Variants in CRYBG3 observed in about 807,000 individuals in gnomAD.
The protein encoded by CRYBG3 is crystallin beta-gamma domain containing 3, also known as very large A-kinase anchor protein.
CRYBG3 carries 127 observed loss-of-function variants against 244.2 expected under a neutral mutation model. The observed-to-expected ratio is 0.52, with a 90% CI of 0.45 to 0.60. The LOEUF is 0.60. Among genes scored for constraint, CRYBG3 ranks in the 20% least tolerant of loss-of-function variants. The pLI is 0.00. For missense variants in CRYBG3, 3,325 were observed against 3,442.5 expected, an observed-to-expected ratio of 0.97 and a Z score of 0.85; for synonymous variants, 1,132 against 1,195.8, an observed-to-expected ratio of 0.95 and a Z score of 1.10.
At chr3:97,828,307 A>G (rs2038604980) in intron 1 of CRYBG3, among the ~76,000 whole-genome samples, 1 of 152,282 alleles carries the variant, frequency 6.6e-6, no homozygotes, top group South Asian at 2.1e-4. Flanking sequence ...ATTCCACTGA[A>G]CATGTACAGT....
At chr3:97,883,207 G>A (rs990452021) in intron 7 of CRYBG3, among the ~76,000 whole-genome samples, 8 of 152,168 alleles carry the variant, frequency 5.3e-5, no homozygotes, top group South Asian at 2.1e-4. Context: ...CTAGTATACT[G>A]CAAGGAGATT....
intron 11 of CRYBG3, among the ~76,000 whole-genome samples, chr3:97,894,473 A>T (rs2039617415): frequency 6.6e-6 from 1 of 152,156 alleles, no homozygotes; most frequent in Admixed American, 6.6e-5. Context: ...TGTAGGTAGC[A>T]TGGACTCCAT....
At chr3:97,823,946 C>T (rs1160359358) in intron 1 of CRYBG3, among the ~76,000 whole-genome samples, 1 of 152,186 alleles carries the variant, frequency 6.6e-6, no homozygotes, top group East Asian at 1.9e-4. Flanking sequence ...CCTTGTTCAC[C>T]TACCACTTCT....
In CRYBG3 at chr3:97,874,642, G is replaced by T. The variant is rs1028128673; in HGVS notation, c.3448G>T (p.Val1150Leu). 3 of 1,535,914 alleles carry T rather than the reference G, an allele frequency of 2.0e-6. No homozygotes were observed. Among genetic ancestry groups the T allele is most frequent in the African/African-American group, 1.4e-5 (1 of 73,036 alleles). The change falls in exon 4 of 22, where the codon GTG becomes TTG. Residue 1150 changes from valine to leucine, a missense_variant. Around this residue, in one of 4 missense-constraint regions of CRYBG3, gnomAD observed 1,526 missense variants for 1,443.2 expected, o/e 1.06. Coordinates refer to ENST00000389622, the MANE Select transcript of CRYBG3 (RefSeq NM_153605.4). The part of the protein sequence containing the change: ...FPTAAQFDNL[V>L]EAETGAVAGP... ...AACTGCTGCCCAATTTGACAATCTC[G>T]TGGAAGCAGAGACTGGAGCAGTTGC...
At chr3:97,888,901 T>C (rs1236982659) in intron 9 of CRYBG3, among the ~76,000 whole-genome samples, 3 of 152,196 alleles carry the variant, frequency 2.0e-5, no homozygotes. Context: ...GTTAGTGTGG[T>C]TAGCTCAGTG....
At chr3:97,929,076 G>A (rs543126300) in intron 17 of CRYBG3, among the ~76,000 whole-genome samples, 1 of 151,926 alleles carries the variant, frequency 6.6e-6, no homozygotes, top group South Asian at 2.1e-4. Flanking sequence ...CAATTTGGTC[G>A]AGTATTCTTT....
chr3:97,857,830 A>T (rs2039088393), intron 2 of CRYBG3, among the ~76,000 whole-genome samples: 1 of 152,056 alleles, frequency 6.6e-6, no homozygotes, highest in Non-Finnish European at 1.5e-5. Flanking sequence ...GTTATTATTG[A>T]TAAATAAGGA....
intron 1 of CRYBG3, among the ~76,000 whole-genome samples, chr3:97,836,106 C>T (rs556841456): frequency 7.2e-5 from 11 of 152,154 alleles, no homozygotes; most frequent in South Asian, 2.1e-4. Context: ...GGAAATAAGT[C>T]AGCCTCAAGG....
Position 97,874,126 on chromosome 3 carries a change from A to C in CRYBG3, c.2932A>C (p.Lys978Gln), listed in dbSNP as rs17373919. 1,497 of 1,534,858 alleles carry C rather than the reference A, an allele frequency of 9.8e-4. 1 individual carries two copies. Among genetic ancestry groups the C allele is most frequent in the Non-Finnish European group, 1.2e-3 (1,401 of 1,146,552 alleles). ...HQSLDICGTK[K>Q]ISGHSEMAEL... ...ATCTTTGGATATTTGTGGGACTAAA[A>C]AGATTTCTGGTCACTCAGAAATGGC... Residue 978 changes from lysine (K) to glutamine (Q), a missense_variant, in exon 4 of 22, where the codon AAG (lysine) becomes CAG (glutamine). Around this residue, in one of 4 missense-constraint regions of CRYBG3, gnomAD observed 1,526 missense variants for 1,443.2 expected, o/e 1.06. Transcript: ENST00000389622.
intron 14 of CRYBG3, among the ~76,000 whole-genome samples, 191 bp from the exon 15 acceptor site, chr3:97,900,262 C>T (rs1286058086): frequency 3.9e-5 from 6 of 152,014 alleles, no homozygotes; most frequent in African/African-American, 1.4e-4. Flanking sequence ...TTGGGAGGAT[C>T]GCTTGAGCCC....
At chr3:97,935,264 T>TA (rs2040150201) in intron 18 of CRYBG3, among the ~76,000 whole-genome samples, 1 of 152,222 alleles carries the variant, frequency 6.6e-6, no homozygotes, top group South Asian at 2.1e-4. Context: ...TACATTTTCC[T>TA]AAAATCTTAC....
intron 2 of CRYBG3, among the ~76,000 whole-genome samples, chr3:97,846,525 C>T (rs988076852): frequency 3.9e-5 from 6 of 152,110 alleles, no homozygotes; most frequent in East Asian, 1.9e-4. Flanking sequence ...TTAATATCTT[C>T]GGAGATGTTT....
rs2039330594 is a variant in CRYBG3 at position 97,873,500 on chromosome 3, C to G, written c.2306C>G (p.Ser769Cys). The G allele has an allele frequency of 1.3e-6, 2 of 1,535,958 alleles. No homozygotes were observed. The highest frequency in any genetic ancestry group is 1.7e-6 in the Non-Finnish European group (2 of 1,146,802). Reference sequence around the variant, plus strand: ...TTGAGCTTTGACTCTGGAAACCTCTCTAAGGATTGCAGTTCCATTTTATCT... The same window carrying G: ...TTGAGCTTTGACTCTGGAAACCTCTGTAAGGATTGCAGTTCCATTTTATCT... Reference protein sequence around the residue: ...ELLSFDSGNLSKDCSSILSQD... With the variant: ...ELLSFDSGNLCKDCSSILSQD... Residue 769 changes from serine (S) to cysteine (C), a missense_variant, in exon 4 of 22, where the codon TCT becomes TGT. Ser to Cys is a moderately radical substitution (Grantham distance 112). Coordinates refer to ENST00000389622, the MANE Select transcript of CRYBG3 (RefSeq NM_153605.4).
intron 17 of CRYBG3, among the ~76,000 whole-genome samples, chr3:97,922,346 A>G (rs998508474): frequency 6.6e-5 from 10 of 152,192 alleles, no homozygotes; most frequent in African/African-American, 2.2e-4. Flanking sequence ...ATGGGATCTA[A>G]TTAAACTAAA....
Position 97,878,142 on chromosome 3 carries a change from G to T in CRYBG3, c.6843+105G>T, listed in dbSNP as rs965787662. 9.6e-6 allele frequency: 10 copies of T among 1,039,906 alleles called. No homozygotes were observed. The Admixed American group carries it at 2.5e-4, about 26-fold the overall frequency. 64.4% of individuals were successfully genotyped at this position (1,039,906 alleles called of 1,614,324 possible). On this transcript the variant is annotated intron_variant, in intron 4 of 21. Coordinates refer to ENST00000389622, the MANE Select transcript of CRYBG3 (RefSeq NM_153605.4). Reference sequence around the variant, plus strand: ...AGTCAATGTTTTGGCCAAGCATGGTGGCTCATGCCTGTAATCCTGGCACTT... The same window carrying T: ...AGTCAATGTTTTGGCCAAGCATGGTTGCTCATGCCTGTAATCCTGGCACTT...
intron 10 of CRYBG3, 31 bp downstream of exon 10, chr3:97,889,421 T>C: frequency 1.3e-6 from 2 of 1,559,468 alleles, no homozygotes; most frequent in East Asian, 2.2e-5. Flanking sequence ...TGTAGCAGGC[T>C]AAAGAGTCTC....
rs375726435 is a variant in CRYBG3 at position 97,886,619 on chromosome 3, T to A, written c.7153-12T>A. On this transcript the variant is annotated splice_polypyrimidine_tract_variant and intron_variant, in intron 7 of 21. Coordinates refer to ENST00000389622, the MANE Select transcript of CRYBG3 (RefSeq NM_153605.4). ...TAGTTGATTTCAAAGCCAAATTATT[T>A]TTTTTTTTCAGGACTGCAGCATTCC... 8.1e-4 allele frequency: 1,289 copies of A among 1,588,894 alleles called. 6 individuals are homozygous for A. Among genetic ancestry groups the A allele is most frequent in the South Asian group, 1.2e-3 (107 of 86,110 alleles).
At chr3:97,839,210 C>G (rs1402597250) in intron 1 of CRYBG3, among the ~76,000 whole-genome samples, 1 of 152,074 alleles carries the variant, frequency 6.6e-6, no homozygotes, top group African/African-American at 2.4e-5. Flanking sequence ...AGATTGTGGT[C>G]TCTCATGAAG....
At chr3:97,851,228 T>G (rs1347314294) in intron 2 of CRYBG3, among the ~76,000 whole-genome samples, 1 of 152,204 alleles carries the variant, frequency 6.6e-6, no homozygotes, top group Non-Finnish European at 1.5e-5. Context: ...AATTGTGAAT[T>G]TCAAGTATTG....
Sources: gnomAD v4.1 joint callset for allele counts (sites outside exome capture counted in the v4.1 genomes callset) on GRCh38, gnomAD v4.1.1 for gene constraint, gnomAD v4.1.1 regional missense constraint, MANE v1.5 for transcripts, NCBI Gene and HGNC (gene_info 2026-07-23, HGNC 2026-07-21) for gene names.